The following MSRA variants were observed in gnomAD, a reference collection of about 807,000 sequenced individuals.
MSRA encodes mitochondrial peptide methionine sulfoxide reductase.
MSRA carries 54 observed loss-of-function variants against 31.3 expected under a neutral mutation model. That is an observed-to-expected ratio of 1.73 (90% CI 1.39 to 2.17). MSRA has a LOEUF of 2.17. Ranked by LOEUF, MSRA falls within the 30% of genes most tolerant of loss-of-function variation. The pLI, the probability that MSRA is intolerant of heterozygous loss-of-function variation, is 0.00. For synonymous variants in MSRA, 169 were observed against 116.5 expected, an observed-to-expected ratio of 1.45 and a Z score of -2.90; for missense variants, 507 against 300.9, an observed-to-expected ratio of 1.69 and a Z score of -5.07.
rs754730288 is a variant in MSRA, at chr8:10,182,406, G to A, written c.143-25427G>A. The stretch of plus-strand genomic sequence containing the variant: ...CACAATTTCTGTGGGTCAGGAATCC[G>A]GACACAGCTCAGCTGGGTCCTCTAC... On this transcript the variant is annotated intron_variant, in intron 1 of 5. Transcript: ENST00000317173. Among the ~76,000 whole-genome samples, 25 of 152,038 alleles carry A rather than the reference G, an allele frequency of 1.6e-4. 1 individual carries two copies. The highest frequency in any genetic ancestry group is 2.6e-4 in the Non-Finnish European group (18 of 68,014).
At chr8:10,206,419 A>G (rs1808982179) in intron 1 of MSRA, among the ~76,000 whole-genome samples, 1 of 152,160 alleles carries the variant, frequency 6.6e-6, no homozygotes, top group African/African-American at 2.4e-5. Context: ...TTTTGCTTGT[A>G]GGAATGCCAC....
intron 5 of MSRA, among the ~76,000 whole-genome samples, chr8:10,356,716 T>TC (rs1427358379): frequency 1.3e-5 from 2 of 152,034 alleles, no homozygotes; most frequent in African/African-American, 2.4e-5. Flanking sequence ...AAGGAGGCAG[T>TC]CCCTCACCAG....
At chr8:10,427,397 C>T (rs975787267) in intron 5 of MSRA, among the ~76,000 whole-genome samples, 4 of 152,156 alleles carry the variant, frequency 2.6e-5, no homozygotes, top group African/African-American at 9.7e-5. Context: ...TGTGTTGATG[C>T]GTGTCTTTCC....
At chr8:10,397,368 G>A (rs916203870) in intron 5 of MSRA, among the ~76,000 whole-genome samples, 37 of 152,212 alleles carry the variant, frequency 2.4e-4, no homozygotes, top group Admixed American at 2.6e-4. Context: ...CATTTGAAAT[G>A]AAAGCAGCCA....
chr8:10,316,152 T>C (rs914436320), intron 4 of MSRA, among the ~76,000 whole-genome samples: 1 of 152,014 alleles, frequency 6.6e-6, no homozygotes, highest in Admixed American at 6.6e-5. Context: ...AGGTGATAGA[T>C]AGTGACCGTA....
chr8:10,393,339 C>T (rs28507213), intron 5 of MSRA, among the ~76,000 whole-genome samples: 58,415 of 152,040 alleles, frequency 0.38, 12,595 homozygotes, highest in Non-Finnish European at 0.5. Flanking sequence ...ATAACAGAGT[C>T]TTCAGACTCA....
At chr8:10,070,949 T>G (rs1415433769) in intron 1 of MSRA, among the ~76,000 whole-genome samples, 5 of 152,372 alleles carry the variant, frequency 3.3e-5, no homozygotes, top group Admixed American at 2.0e-4. Flanking sequence ...CGAGTGAAGC[T>G]GCTATGAACA....
At chr8:10,136,952 C>T (rs1322693884) in intron 1 of MSRA, among the ~76,000 whole-genome samples, 4 of 152,242 alleles carry the variant, frequency 2.6e-5, no homozygotes, top group African/African-American at 9.6e-5. Flanking sequence ...CCTCTCTAGT[C>T]ATTGTCGTCA....
chr8:10,166,430 G>C lies in MSRA; in HGVS notation c.143-41403G>C, dbSNP rs118133700. 6.6e-4 allele frequency among the ~76,000 whole-genome samples: 100 copies of C among 152,238 alleles called. No individual in the cohort carries two copies. In the East Asian group the frequency reaches 0.019, roughly 29 times the overall value. On this transcript the variant is annotated intron_variant, in intron 1 of 5. Coordinates refer to ENST00000317173, the MANE Select transcript of MSRA (RefSeq NM_012331.5). ...TGTATGTGTTTGCATATGTCTGTGCGTGTGTATGCATTTGTGTGACTACAT... is the reference window on the plus strand; with the variant it reads ...TGTATGTGTTTGCATATGTCTGTGCCTGTGTATGCATTTGTGTGACTACAT...
At chr8:10,075,655 C>T (rs1387671696) in intron 1 of MSRA, among the ~76,000 whole-genome samples, 1 of 152,160 alleles carries the variant, frequency 6.6e-6, no homozygotes, top group Non-Finnish European at 1.5e-5. Flanking sequence ...ATAAAAAAGA[C>T]ATTGTTTTAT....
chr8:10,185,111 C>T (rs925026767), intron 1 of MSRA, among the ~76,000 whole-genome samples: 3 of 152,186 alleles, frequency 2.0e-5, no homozygotes, highest in African/African-American at 7.2e-5. Context: ...AGGGCTGCTG[C>T]TCCTTTTGCA....
chr8:10,218,872 A>G (rs1810239122), intron 2 of MSRA, among the ~76,000 whole-genome samples: 1 of 152,246 alleles, frequency 6.6e-6, no homozygotes, highest in Non-Finnish European at 1.5e-5. Context: ...GCCACAGTAC[A>G]GATTGCTGCA....
chr8:10,322,416 A>C (rs1802095489), intron 5 of MSRA, among the ~76,000 whole-genome samples: 4 of 152,210 alleles, frequency 2.6e-5, no homozygotes, highest in Admixed American at 2.6e-4. Flanking sequence ...CAAAGACCAG[A>C]ACTTGGAACT....
At chr8:10,273,522 G>A (rs1441242099) in intron 3 of MSRA, among the ~76,000 whole-genome samples, 1 of 152,006 alleles carries the variant, frequency 6.6e-6, no homozygotes, top group Non-Finnish European at 1.5e-5. Flanking sequence ...TAAAGTACTT[G>A]GTATGTAATA....
intron 1 of MSRA, among the ~76,000 whole-genome samples, chr8:10,201,030 T>C (rs1201980518): frequency 6.6e-6 from 1 of 152,106 alleles, no homozygotes; most frequent in Non-Finnish European, 1.5e-5. Context: ...CCTGACTGAC[T>C]TGTACCCTGA....
intron 1 of MSRA, among the ~76,000 whole-genome samples, chr8:10,149,376 G>A (rs535851049): frequency 2.6e-5 from 4 of 152,184 alleles, no homozygotes; most frequent in African/African-American, 7.2e-5. Flanking sequence ...CGCCCGCCTC[G>A]GCCTCCCAAA....
At chr8:10,248,464 C>A (rs545494376) in intron 3 of MSRA, among the ~76,000 whole-genome samples, 4 of 152,162 alleles carry the variant, frequency 2.6e-5, no homozygotes, top group Non-Finnish European at 5.9e-5. Flanking sequence ...CAAGCATTAT[C>A]TCAGCACACA....
chr8:10,320,566 C>G (rs1423779121), intron 5 of MSRA, among the ~76,000 whole-genome samples: 1 of 152,212 alleles, frequency 6.6e-6, no homozygotes, highest in Non-Finnish European at 1.5e-5. Context: ...TTCCTTCTCT[C>G]TTTATTTCTG....
At chr8:10,062,233 C>T (rs908360781) in intron 1 of MSRA, among the ~76,000 whole-genome samples, 1 of 152,220 alleles carries the variant, frequency 6.6e-6, no homozygotes, top group Non-Finnish European at 1.5e-5. Flanking sequence ...TCCCATGCAG[C>T]AGCAGCAGCA....
Sources: gnomAD v4.1 joint callset for allele counts (sites outside exome capture counted in the v4.1 genomes callset) on GRCh38, gnomAD v4.1.1 for gene constraint, MANE v1.5 for transcripts, NCBI Gene and HGNC (gene_info 2026-07-23, HGNC 2026-07-21) for gene names.